The following DLGAP2 variants were observed in gnomAD, a reference collection of about 807,000 sequenced individuals.
DLGAP2 encodes the protein DLG associated protein 2, also known as disks large-associated protein 2.
A neutral mutation model predicts 100.3 loss-of-function variants in DLGAP2; 26 were observed. The ratio of observed to expected loss-of-function variants is 0.26; its 90% CI spans 0.19 to 0.36. The LOEUF is 0.36. DLGAP2 is among the 10% of genes least tolerant of loss of function. The pLI is 1.00. For synonymous variants in DLGAP2, 886 were observed against 630.1 expected (o/e 1.41, Z -6.08); for missense variants, 1,858 against 1,453.2 (o/e 1.28, Z -4.53).
chr8:1,586,595 T>G (rs534507043), intron 6 of DLGAP2, among the ~76,000 whole-genome samples: 1 of 152,328 alleles, frequency 6.6e-6, no homozygotes, highest in South Asian at 2.1e-4. Flanking sequence ...CCGCTTGATG[T>G]GTAGCGTAAC....
At chr8:1,534,762 ATGTG>A (rs1801098241) in intron 4 of DLGAP2, among the ~76,000 whole-genome samples, 1 of 139,804 alleles carries the variant, frequency 7.2e-6, no homozygotes, top group South Asian at 2.5e-4. Context: ...TTGTGTGTGC[ATGTG>A]TGTGAGTGCA....
intron 2 of DLGAP2, among the ~76,000 whole-genome samples, chr8:1,089,688 G>A (rs993928190): frequency 6.6e-6 from 1 of 152,208 alleles, no homozygotes; most frequent in Non-Finnish European, 1.5e-5. Context: ...TAAATGCTGT[G>A]TTCATGATTT....
At chr8:1,294,885 A>G (rs1351585199) in intron 3 of DLGAP2, among the ~76,000 whole-genome samples, 1 of 117,788 alleles carries the variant, frequency 8.5e-6, no homozygotes, top group Non-Finnish European at 2.0e-5. Context: ...AAAAAAAACA[A>G]AACTTTTTTT....
intron 2 of DLGAP2, among the ~76,000 whole-genome samples, chr8:1,161,707 C>G (rs751283693): frequency 2.6e-5 from 4 of 152,230 alleles, no homozygotes; most frequent in Non-Finnish European, 4.4e-5. Flanking sequence ...GTCTCTGTCT[C>G]AGGGCACGTA....
At chr8:1,202,130 T>C (rs1412154422) in intron 2 of DLGAP2, among the ~76,000 whole-genome samples, 1 of 147,502 alleles carries the variant, frequency 6.8e-6, no homozygotes. Flanking sequence ...TCTGTGTGTC[T>C]GTTGTGTGTG....
chr8:812,712 T>C (rs1796394531), intron 1 of DLGAP2, among the ~76,000 whole-genome samples: 1 of 152,200 alleles, frequency 6.6e-6, no homozygotes, highest in South Asian at 2.1e-4. Flanking sequence ...ATCAAAGCTT[T>C]GATAAGGACG....
intron 2 of DLGAP2, among the ~76,000 whole-genome samples, chr8:1,093,941 G>C (rs1804279340): frequency 6.6e-6 from 1 of 152,250 alleles, no homozygotes; most frequent in African/African-American, 2.4e-5. Context: ...GCCTCTCTGT[G>C]TGCAGGTGCT....
chr8:1,505,557 A>C (rs776911643), intron 4 of DLGAP2, among the ~76,000 whole-genome samples: 47 of 152,238 alleles, frequency 3.1e-4, no homozygotes, highest in Non-Finnish European at 5.3e-4. Context: ...CATAGAGTGT[A>C]ATGTATGAAA....
intron 3 of DLGAP2, among the ~76,000 whole-genome samples, chr8:1,458,975 A>G (rs1411612338): frequency 6.6e-6 from 1 of 152,152 alleles, no homozygotes; most frequent in East Asian, 1.9e-4. Context: ...GGTGGTTTAC[A>G]TGCATCTACC....
At chr8:1,439,545 C>T (rs1390346842) in intron 3 of DLGAP2, among the ~76,000 whole-genome samples, 1 of 152,186 alleles carries the variant, frequency 6.6e-6, no homozygotes, top group Admixed American at 6.5e-5. Flanking sequence ...GAGATCCTAA[C>T]GTGGGCCTCG....
intron 1 of DLGAP2, among the ~76,000 whole-genome samples, chr8:770,746 C>A (rs988352295): frequency 2.0e-5 from 3 of 152,158 alleles, no homozygotes; most frequent in East Asian, 1.9e-4. Flanking sequence ...GCATTGTGAG[C>A]CCCTGAGCTG....
intron 2 of DLGAP2, among the ~76,000 whole-genome samples, chr8:1,135,771 G>A (rs1426035413): frequency 1.3e-5 from 2 of 152,174 alleles, no homozygotes; most frequent in African/African-American, 2.4e-5. Context: ...TTTGTGGACA[G>A]TATGAGCTGG....
At chr8:1,196,836 GT>G (rs1243720413) in intron 2 of DLGAP2, among the ~76,000 whole-genome samples, 3 of 152,096 alleles carry the variant, frequency 2.0e-5, no homozygotes, top group African/African-American at 7.2e-5. Context: ...ATACACCAGG[GT>G]TCTCCCGAAA....
chr8:1,139,808 G>A (rs148609867), intron 2 of DLGAP2, among the ~76,000 whole-genome samples: 40 of 152,180 alleles, frequency 2.6e-4, no homozygotes, highest in Admixed American at 2.4e-3. Flanking sequence ...TCTCAGCACC[G>A]TAAGTGTATT....
chr8:934,773 G>C (rs1799032200), intron 2 of DLGAP2, among the ~76,000 whole-genome samples: 1 of 152,146 alleles, frequency 6.6e-6, no homozygotes, highest in Non-Finnish European at 1.5e-5. Context: ...GGGAACCAGA[G>C]TACCCACCTT....
At chr8:836,378 T>TG (rs1382993796) in intron 1 of DLGAP2, among the ~76,000 whole-genome samples, 4 of 152,142 alleles carry the variant, frequency 2.6e-5, no homozygotes, top group African/African-American at 9.7e-5. Flanking sequence ...TAGCAGGTCT[T>TG]GGGGCGCTGG....
At chr8:857,107 C>T (rs1386113157) in intron 1 of DLGAP2, among the ~76,000 whole-genome samples, 1 of 152,210 alleles carries the variant, frequency 6.6e-6, no homozygotes, top group Non-Finnish European at 1.5e-5. Context: ...GAGGAAAGGC[C>T]ATTCAATGGA....
intron 2 of DLGAP2, among the ~76,000 whole-genome samples, chr8:947,334 G>C (rs1799353082): frequency 6.6e-6 from 1 of 152,212 alleles, no homozygotes; most frequent in Non-Finnish European, 1.5e-5. Flanking sequence ...GGTCCTGGCA[G>C]CAGAGGGGTC....
At chr8:1,155,615 C>T (rs1796767865) in intron 2 of DLGAP2, among the ~76,000 whole-genome samples, 2 of 152,074 alleles carry the variant, frequency 1.3e-5, no homozygotes, top group Non-Finnish European at 2.9e-5. Context: ...CACATCTGGC[C>T]GGGGTTTTGC....
Sources: allele counts gnomAD v4.1 joint callset (sites outside exome capture counted in the v4.1 genomes callset), GRCh38; gene constraint gnomAD v4.1.1; transcripts MANE v1.5; gene names NCBI Gene and HGNC (gene_info 2026-07-23, HGNC 2026-07-21).